The following TTC17 variants were observed in gnomAD, a reference collection of about 807,000 sequenced individuals.
TTC17 encodes the protein tetratricopeptide repeat protein 17.
In TTC17, 58 loss-of-function variants were observed where a neutral mutation model predicts 143.8. That is an observed-to-expected ratio of 0.40 (90% confidence interval 0.33 to 0.50). The LOEUF (loss-of-function observed/expected upper bound fraction) is 0.50, where lower values mean the gene tolerates loss of function less well. TTC17 is among the 20% of genes least tolerant of loss of function. The pLI is 0.49. For missense variants in TTC17, 1,273 were observed against 1,392.5 expected, an observed-to-expected ratio of 0.91 and a Z score of 1.37; for synonymous variants, 501 against 497.8, an observed-to-expected ratio of 1.01 and a Z score of -0.09.
chr11:43,359,272 C>A (rs1165635404), intron 1 of TTC17, 159 bp downstream of exon 1: 4 of 878,294 alleles, frequency 4.6e-6, no homozygotes, highest in African/African-American at 3.6e-5. Flanking sequence ...TCGGACCAGG[C>A]AGGCACTTCC....
At chr11:43,436,118 C>T (rs989811524) in intron 16 of TTC17, 21 of 1,268,472 alleles carry the variant, frequency 1.7e-5, no homozygotes, top group South Asian at 6.4e-5. Context: ...TAGTACTACA[C>T]GAGAGATATT....
rs150211914 is a variant in TTC17, at chr11:43,448,023, G to A, written c.2687G>A (p.Arg896His). The A allele has an allele frequency of 3.9e-5, 63 of 1,613,850 alleles. No individual in the cohort carries two copies. Among genetic ancestry groups the A allele is most frequent in the African/African-American group, 3.3e-4 (25 of 74,912 alleles). Residue 896 changes from arginine (R) to histidine (H), a missense_variant, in exon 19 of 24, where the codon CGT becomes CAT. By Grantham distance (29) the Arg-to-His change is conservative. Transcript: ENST00000039989. The stretch of plus-strand genomic sequence containing the variant: ...CCAGGAAAAAAACGTGACTACCAGC[G>A]TCTGGGATGGCCCAGCCCGGACGAA... ...GPQGKKRDYQ[R>H]LGWPSPDECL...
chr11:43,434,579 T>C (rs1025282188), intron 16 of TTC17, among the ~76,000 whole-genome samples: 4 of 152,196 alleles, frequency 2.6e-5, no homozygotes, highest in Non-Finnish European at 5.9e-5. Flanking sequence ...GGAAAAAATA[T>C]AAAGCATTCA....
At chr11:43,443,304 G>T (rs377003418) in intron 16 of TTC17, 21 bp from the exon 17 acceptor site, 1 of 1,612,472 alleles carries the variant, frequency 6.2e-7, no homozygotes, top group Non-Finnish European at 8.5e-7. Context: ...TTTTACTAAC[G>T]TGCTGGCCCT....
At chr11:43,379,559 T>C (rs1856886781) in intron 2 of TTC17, among the ~76,000 whole-genome samples, 1 of 152,192 alleles carries the variant, frequency 6.6e-6, no homozygotes, top group African/African-American at 2.4e-5. Flanking sequence ...GGTATATGCG[T>C]GATTCTTAAA....
chr11:43,478,048 T>C (rs1948217365), intron 21 of TTC17, among the ~76,000 whole-genome samples: 2 of 152,112 alleles, frequency 1.3e-5, no homozygotes, highest in Non-Finnish European at 2.9e-5. Context: ...AAAAGTTAAA[T>C]CTAAACCAGT....
chr11:43,444,293 A>G, intron 18 of TTC17, 84 bp downstream of exon 18: 1 of 1,409,528 alleles, frequency 7.1e-7, no homozygotes, highest in Non-Finnish European at 9.5e-7. Flanking sequence ...TGTAACTTGA[A>G]ATAGTTCAGA....
intron 1 of TTC17, among the ~76,000 whole-genome samples, chr11:43,360,348 A>G (rs958340188): frequency 6.6e-6 from 1 of 152,230 alleles, no homozygotes; most frequent in African/African-American, 2.4e-5. Flanking sequence ...TTTCATTGCC[A>G]TACTATCTGA....
intron 1 of TTC17, among the ~76,000 whole-genome samples, chr11:43,365,963 C>T (rs927088186): frequency 5.3e-5 from 8 of 151,782 alleles, no homozygotes; most frequent in African/African-American, 1.9e-4. Context: ...TAGTTTTTTT[C>T]TCCAGAGTTG....
At chr11:43,375,551 G>A (rs1156291072) in intron 1 of TTC17, among the ~76,000 whole-genome samples, 1 of 151,790 alleles carries the variant, frequency 6.6e-6, no homozygotes, top group East Asian at 1.9e-4. Context: ...AATGAGAATG[G>A]CATAATTTAA....
intron 1 of TTC17, chr11:43,370,226 A>C (rs1016536440): frequency 5.5e-6 from 2 of 364,284 alleles, no homozygotes; most frequent in African/African-American, 4.2e-5. Flanking sequence ...TGAGAAGTGG[A>C]GCAACAGACT....
In TTC17 at chr11:43,391,938, G is replaced by C. The variant is rs929652814; in HGVS notation, c.649G>C (p.Glu217Gln). The change falls in exon 5 of 24, where the codon GAA becomes CAA. Residue 217 changes from glutamate to glutamine, a missense_variant. By Grantham distance (29) the Glu-to-Gln change is conservative. Around this residue, in one of 3 missense-constraint regions of TTC17, gnomAD observed 325 missense variants for 444.2 expected, o/e 0.73. Coordinates refer to ENST00000039989, the MANE Select transcript of TTC17 (RefSeq NM_018259.6). The part of the protein sequence containing the change: ...SIDDIGHLIH[E>Q]GLQKNTSSWV... ...AGATGACATAGGTCACCTCATTCAT[G>C]AAGGCCTACAGAAGGTAAGTCATCA... The C allele has an allele frequency of 3.7e-6, 6 of 1,609,864 alleles. No homozygotes were observed. The Admixed American group carries it at 1.0e-4, about 27-fold the overall frequency.
intron 1 of TTC17, among the ~76,000 whole-genome samples, chr11:43,363,382 T>C (rs947929215): frequency 2.0e-5 from 3 of 152,190 alleles, no homozygotes; most frequent in Non-Finnish European, 4.4e-5. Flanking sequence ...TTGAAAAAAA[T>C]ATATGTTCCA....
At chr11:43,397,952 A>AT in intron 7 of TTC17, 22 bp from the exon 8 acceptor site, 1 of 1,096,308 alleles carries the variant, frequency 9.1e-7, no homozygotes, top group East Asian at 4.3e-5. Flanking sequence ...GTGTGTGTGT[A>AT]TGTTTGTTTT....
At chr11:43,405,683 C>T (rs970356161) in intron 12 of TTC17, 54 bp downstream of exon 12, 6 of 1,609,496 alleles carry the variant, frequency 3.7e-6, no homozygotes, top group South Asian at 2.2e-5. Context: ...TGTCATCTAG[C>T]GGTTCTTTGA....
At chr11:43,438,166 G>GC (rs1400090095) in intron 16 of TTC17, among the ~76,000 whole-genome samples, 2 of 152,140 alleles carry the variant, frequency 1.3e-5, no homozygotes, top group Non-Finnish European at 2.9e-5. Context: ...CCCTATGGTG[G>GC]TAATCTTTTT....
chr11:43,405,409 TTA>T (rs1858073165), intron 11 of TTC17, 103 bp from the exon 12 acceptor site: 1 of 820,112 alleles, frequency 1.2e-6, no homozygotes, highest in Non-Finnish European at 2.0e-6. Flanking sequence ...TCTTAAGATA[TTA>T]TAGTTTTGTT....
chr11:43,389,799 A>G lies in TTC17; in HGVS notation c.397A>G (p.Thr133Ala). ...GGATCTATATGATGGCACATACATAACTTTGGAGAGCAAAGACATCAGGTA... is the reference window on the plus strand; with the variant it reads ...GGATCTATATGATGGCACATACATAGCTTTGGAGAGCAAAGACATCAGGTA... ...DLDLYDGTYI[T>A]LESKDISPED... The change falls in exon 3 of 24, where the codon ACT becomes GCT. Residue 133 changes from threonine to alanine, a missense_variant. By Grantham distance (58) the Thr-to-Ala change is moderately conservative. Transcript: ENST00000039989. The G allele has an allele frequency of 1.9e-6, 3 of 1,604,968 alleles. No individual in the cohort carries two copies. The highest frequency in any genetic ancestry group is 2.5e-6 in the Non-Finnish European group (3 of 1,177,646).
intron 8 of TTC17, among the ~76,000 whole-genome samples, chr11:43,398,958 T>C (rs1446460112): frequency 6.6e-6 from 1 of 152,126 alleles, no homozygotes; most frequent in Admixed American, 6.5e-5. Context: ...CTCTTAATAA[T>C]TGAGCTGGCT....
Sources: gnomAD v4.1 joint callset for allele counts (sites outside exome capture counted in the v4.1 genomes callset) on GRCh38, gnomAD v4.1.1 for gene constraint, gnomAD v4.1.1 regional missense constraint, MANE v1.5 for transcripts, NCBI Gene and HGNC (gene_info 2026-07-23, HGNC 2026-07-21) for gene names.